Variants in AATF observed in about 807,000 individuals in gnomAD.
AATF encodes protein AATF.
In AATF, 48 loss-of-function variants were observed where a neutral mutation model predicts 63.7. That is an observed-to-expected ratio of 0.75 (90% CI 0.60 to 0.96). The LOEUF (loss-of-function observed/expected upper bound fraction) is 0.96. Ranked by LOEUF, AATF falls within the 40% of genes least tolerant of loss-of-function variation. AATF has a pLI of 0.00. For synonymous variants in AATF, 258 were observed against 247.7 expected, an observed-to-expected ratio of 1.04 and a Z score of -0.39; for missense variants, 639 against 685.7, an observed-to-expected ratio of 0.93 and a Z score of 0.76.
intron 4 of AATF, among the ~76,000 whole-genome samples, chr17:36,957,406 T>C (rs2142207492): frequency 6.6e-6 from 1 of 152,384 alleles, no homozygotes; most frequent in South Asian, 2.1e-4. Flanking sequence ...AATCACTCAA[T>C]AGTTATCAGT....
At chr17:36,964,170 CTT>C (rs36064518) in intron 4 of AATF, among the ~76,000 whole-genome samples, 5,515 of 101,352 alleles carry the variant, frequency 0.054, 360 homozygotes, top group African/African-American at 0.2. Flanking sequence ...GGGTGTTTTG[CTT>C]TTTTTTTTTT....
At chr17:37,021,781 G>A (rs561228748) in intron 10 of AATF, among the ~76,000 whole-genome samples, 2 of 82,536 alleles carry the variant, frequency 2.4e-5, no homozygotes, top group African/African-American at 1.3e-4. Flanking sequence ...CTCCAGCCTG[G>A]GCGACAGAGC....
At chr17:37,026,380 G>A (rs1287741127) in intron 10 of AATF, among the ~76,000 whole-genome samples, 1 of 152,206 alleles carries the variant, frequency 6.6e-6, no homozygotes, top group East Asian at 1.9e-4. Flanking sequence ...TGAGGATGTG[G>A]TCAGAATCAG....
chr17:36,998,812 C>T (rs1270465628), intron 8 of AATF: 32 of 152,078 alleles, frequency 2.1e-4, no homozygotes, highest in Admixed American at 1.8e-3. Flanking sequence ...ATTTGTGTTA[C>T]CTAAGAAGAG....
chr17:36,971,360 C>T (rs1432126133), intron 4 of AATF, among the ~76,000 whole-genome samples: 1 of 152,066 alleles, frequency 6.6e-6, no homozygotes, highest in Non-Finnish European at 1.5e-5. Context: ...AAATTAAAAC[C>T]ACAAGGAGAT....
intron 11 of AATF, among the ~76,000 whole-genome samples, chr17:37,044,807 G>C (rs970645518): frequency 6.6e-6 from 1 of 152,108 alleles, no homozygotes; most frequent in African/African-American, 2.4e-5. Context: ...AGCATAGTTC[G>C]TGTCGGTGCT....
At chr17:37,013,636 G>A (rs1267496115) in intron 8 of AATF, among the ~76,000 whole-genome samples, 1 of 152,148 alleles carries the variant, frequency 6.6e-6, no homozygotes, top group Admixed American at 6.5e-5. Flanking sequence ...CTTCATCTAT[G>A]CATGAGGGAT....
At chr17:37,048,552 G>A (rs1164517605) in intron 11 of AATF, among the ~76,000 whole-genome samples, 3 of 151,802 alleles carry the variant, frequency 2.0e-5, no homozygotes, top group African/African-American at 7.3e-5. Context: ...TGTATTTTTA[G>A]TAGAGACGAG....
chr17:37,041,161 TA>T (rs1434330962), intron 11 of AATF, among the ~76,000 whole-genome samples: 1 of 152,214 alleles, frequency 6.6e-6, no homozygotes, highest in African/African-American at 2.4e-5. Context: ...TTTATACAGA[TA>T]TATACGTATG....
At chr17:37,032,107 C>T (rs1312160946) in intron 11 of AATF, among the ~76,000 whole-genome samples, 1 of 152,074 alleles carries the variant, frequency 6.6e-6, no homozygotes, top group Non-Finnish European at 1.5e-5. Flanking sequence ...GATGTATATG[C>T]TTATTTTATA....
chr17:37,005,470 T>C (rs192589045), intron 8 of AATF, among the ~76,000 whole-genome samples: 30 of 152,258 alleles, frequency 2.0e-4, no homozygotes, highest in Non-Finnish European at 2.9e-4. Flanking sequence ...GCTGGAAATA[T>C]AGGGAGAGAT....
At chr17:36,983,497 G>A (rs904576901) in intron 4 of AATF, among the ~76,000 whole-genome samples, 1 of 152,010 alleles carries the variant, frequency 6.6e-6, no homozygotes, top group East Asian at 1.9e-4. Context: ...ACAGGCATGC[G>A]CCACCATACC....
chr17:36,979,232 A>G (rs986792299), intron 4 of AATF, among the ~76,000 whole-genome samples: 6 of 152,154 alleles, frequency 3.9e-5, no homozygotes, highest in Non-Finnish European at 7.3e-5. Context: ...ATGAAATGAA[A>G]AATGCCGGCC....
rs367770515 is a variant in AATF at position 37,056,647 on chromosome 17, G to C, written c.1666G>C (p.Glu556Gln). The C allele has an allele frequency of 2.5e-6, 4 of 1,614,194 alleles. No homozygotes were observed. The highest frequency in any genetic ancestry group is 3.4e-6 in the Non-Finnish European group (4 of 1,180,034). The change falls in exon 12 of 12, where the codon GAA becomes CAA. Residue 556 changes from glutamate (E) to glutamine (Q), a missense_variant. Glu to Gln is a conservative substitution (Grantham distance 29). Transcript: ENST00000619387. ...TTTTGGCCAGCTCCACCCTCCCGAC[G>C]AAGGCCACGGGGATTGACATCGCCC... ...SLFGQLHPPD[E>Q]GHGD
At chr17:36,978,587 A>G (rs1359395498) in intron 4 of AATF, among the ~76,000 whole-genome samples, 1 of 152,162 alleles carries the variant, frequency 6.6e-6, no homozygotes, top group East Asian at 1.9e-4. Context: ...AAACTGGGAC[A>G]GAAGTCCTCA....
chr17:37,035,727 G>A (rs146666550), intron 11 of AATF, among the ~76,000 whole-genome samples: 135 of 152,164 alleles, frequency 8.9e-4, no homozygotes, highest in Admixed American at 5.9e-3. Context: ...GATTACTGGC[G>A]TGAGCCACCA....
At chr17:36,956,328 A>G (rs2070899435) in intron 4 of AATF, among the ~76,000 whole-genome samples, 2 of 152,218 alleles carry the variant, frequency 1.3e-5, no homozygotes, top group African/African-American at 2.4e-5. Flanking sequence ...TCTTGTGGCA[A>G]TATGACATAA....
chr17:37,039,720 C>T (rs182047766), intron 11 of AATF, among the ~76,000 whole-genome samples: 1 of 152,178 alleles, frequency 6.6e-6, no homozygotes, highest in Non-Finnish European at 1.5e-5. Flanking sequence ...AAAGGAAACA[C>T]TCTCAAGTTC....
chr17:37,014,767 T>C (rs1021736684), intron 8 of AATF, among the ~76,000 whole-genome samples: 2 of 152,242 alleles, frequency 1.3e-5, no homozygotes, highest in Admixed American at 6.5e-5. Flanking sequence ...TTTGACTTTC[T>C]GGATTATCCT....
Sources: gnomAD v4.1 joint callset for allele counts (sites outside exome capture counted in the v4.1 genomes callset) on GRCh38, gnomAD v4.1.1 for gene constraint, MANE v1.5 for transcripts, NCBI Gene and HGNC (gene_info 2026-07-23, HGNC 2026-07-21) for gene names.